The following FSBP variants were observed in gnomAD, a reference collection of about 807,000 sequenced individuals.
FSBP encodes the protein fibrinogen silencer binding protein, also known as fibrinogen silencer-binding protein.
A neutral mutation model predicts 24.6 loss-of-function variants in FSBP; 18 were observed. The observed-to-expected ratio is 0.73, with a 90% CI of 0.51 to 1.08. FSBP has a LOEUF of 1.08. Among genes scored for constraint, FSBP ranks in the 50% least tolerant of loss-of-function variants. The pLI is 0.00. For synonymous variants in FSBP, 110 were observed against 125.8 expected (o/e 0.87, Z 0.84); for missense variants, 305 against 347.6 (o/e 0.88, Z 0.98).
At chr8:94,432,692 C>A in intron 1 of FSBP, 36 bp from the exon 2 acceptor site, 1 of 1,413,334 alleles carries the variant, frequency 7.1e-7, no homozygotes, top group Non-Finnish European at 9.3e-7. Flanking sequence ...ATATGTAAAT[C>A]AAATGAAGAA....
Position 94,429,029 on chromosome 8 carries a change from T to A in FSBP, c.*3102A>T. On this transcript the variant is annotated 3_prime_UTR_variant, in exon 2 of 2. Transcript: ENST00000481490. ...AAGGGGAGGTAGACAATGAGGAGAA[T>A]TATATGCATTTAAACTTTTGCAAAT... The A allele has an allele frequency of 1.0e-6, 1 of 983,878 alleles. No homozygotes were observed. Among genetic ancestry groups the A allele is most frequent in the Non-Finnish European group, 1.2e-6 (1 of 828,550 alleles). 60.9% of individuals were successfully genotyped at this position (983,878 alleles called of 1,614,324 possible).
intron 1 of FSBP, 53 bp downstream of exon 1, chr8:94,436,442 C>G: frequency 6.8e-7 from 1 of 1,476,462 alleles, no homozygotes. Context: ...AAGCCAAAGC[C>G]CAATAGATAG....
Position 94,427,762 on chromosome 8 carries a change from T to C in FSBP, c.*4369A>G, listed in dbSNP as rs1811978839. On this transcript the variant is annotated 3_prime_UTR_variant, in exon 2 of 2. Transcript: ENST00000481490. ...TAAAAGAACATGTGTTAACAAAGCA[T>C]TTAACCATCATTATCTACAGTATAT... 27 of 969,512 alleles carry C rather than the reference T, an allele frequency of 2.8e-5. No homozygotes were observed. The highest frequency in any genetic ancestry group is 3.3e-5 in the Non-Finnish European group (27 of 815,544). The allele number at this position is 969,512 out of a possible 1,614,324, so 60.1% of individuals were successfully genotyped here. A position where few individuals can be genotyped will look rare whatever the true frequency, so the allele number is the denominator to read the frequency against.
rs1811983238 is a variant in FSBP, at chr8:94,427,865, A to G, written c.*4266T>C. The stretch of plus-strand genomic sequence containing the variant: ...TTGACATTACTCCAAAAGAAGGCAC[A>G]TGAAAAAAACTCATAGTTTAAACAT... On this transcript the variant is annotated 3_prime_UTR_variant, in exon 2 of 2. Transcript: ENST00000481490. 3.1e-6 allele frequency: 3 copies of G among 960,222 alleles called. No homozygotes were observed. The highest frequency in any genetic ancestry group is 3.7e-6 in the Non-Finnish European group (3 of 807,182). 59.5% of individuals were successfully genotyped at this position (960,222 alleles called of 1,614,324 possible).
intron 1 of FSBP, 114 bp from the exon 2 acceptor site, chr8:94,432,770 G>A: frequency 7.9e-7 from 1 of 1,266,244 alleles, no homozygotes; most frequent in Non-Finnish European, 1.0e-6. Context: ...AAACTATAAA[G>A]TTACAAAATA....
Position 94,427,981 on chromosome 8 carries a change from GAA to G in FSBP, c.*4148_*4149del. 2.2e-6 allele frequency: 2 copies of G among 922,208 alleles called. No homozygotes were observed. The highest frequency in any genetic ancestry group is 5.0e-5 in the South Asian group (1 of 19,906). The allele number at this position is 922,208 out of a possible 1,614,324, so 57.1% of individuals were successfully genotyped here. ...AGTTAATATCTCATCATACACAAAA[GAA>G]AAATACTTGACTATTTTAAGAAATC... On this transcript the variant is annotated 3_prime_UTR_variant, in exon 2 of 2. Transcript: ENST00000481490.
In FSBP at chr8:94,428,877, G is replaced by C. The variant is rs1425239826; in HGVS notation, c.*3254C>G. ...AAAAAAGAAGAAAAAAAAAGGTTTG[G>C]TTCCAAATTACCCTAAGATACTCTG... is the stretch of plus-strand genomic sequence containing the variant. On this transcript the variant is annotated 3_prime_UTR_variant, in exon 2 of 2. Coordinates refer to ENST00000481490, the MANE Select transcript of FSBP (RefSeq NM_001256141.2). The C allele has an allele frequency of 1.0e-6, 1 of 985,078 alleles. No individual in the cohort carries two copies. The highest frequency in any genetic ancestry group is 1.7e-5 in the African/African-American group (1 of 57,190). The allele number at this position is 985,078 out of a possible 1,614,324, so 61.0% of individuals were successfully genotyped here. A position where few individuals can be genotyped will look rare whatever the true frequency, so the allele number is the denominator to read the frequency against.
At position 94,427,847 on chromosome 8, in the gene FSBP, T is replaced by C; in HGVS notation, c.*4284A>G. On this transcript the variant is annotated 3_prime_UTR_variant, in exon 2 of 2. Transcript: ENST00000481490. Reference sequence around the variant, plus strand: ...AACATGTGTATTTAAAAGTTGACATTACTCCAAAAGAAGGCACATGAAAAA... The same window carrying C: ...AACATGTGTATTTAAAAGTTGACATCACTCCAAAAGAAGGCACATGAAAAA... 1 of 960,722 alleles carries C rather than the reference T, an allele frequency of 1.0e-6. No homozygotes were observed. Among genetic ancestry groups the C allele is most frequent in the Non-Finnish European group, 1.2e-6 (1 of 807,540 alleles). The allele number at this position is 960,722 out of a possible 1,614,324, so 59.5% of individuals were successfully genotyped here.
chr8:94,428,739 C>A lies in FSBP; in HGVS notation c.*3392G>T. On this transcript the variant is annotated 3_prime_UTR_variant, in exon 2 of 2. Coordinates refer to ENST00000481490, the MANE Select transcript of FSBP (RefSeq NM_001256141.2). ...GCAGATAGAAAGCCAAGTGTACATT[C>A]CATTGTACTAGCAAACTTTCCCCTA... The A allele has an allele frequency of 1.0e-6, 1 of 982,832 alleles. No homozygotes were observed. 60.9% of individuals were successfully genotyped at this position (982,832 alleles called of 1,614,324 possible).
Position 94,436,756 on chromosome 8 carries a change from A to G in FSBP, c.113T>C (p.Val38Ala), listed in dbSNP as rs1166006673. 1 of 1,550,578 alleles carries G rather than the reference A, an allele frequency of 6.4e-7. No individual in the cohort carries two copies. Among genetic ancestry groups the G allele is most frequent in the Non-Finnish European group, 8.7e-7 (1 of 1,146,942 alleles). Residue 38 changes from valine to alanine, a missense_variant, in exon 1 of 2, where the codon GTA (valine) becomes GCA (alanine). Val to Ala is a moderately conservative substitution (Grantham distance 64). Coordinates refer to ENST00000481490, the MANE Select transcript of FSBP (RefSeq NM_001256141.2). Reference protein sequence around the residue: ...ILEEHTNKHSVIVEKNRCWDI... With the variant: ...ILEEHTNKHSAIVEKNRCWDI... ...CCAACATCTATTCTTTTCTACTATT[A>G]CTGAATGTTTATTAGTGTGTTCTTC...
rs1486352323 is a variant in FSBP at position 94,432,432 on chromosome 8, T to A, written c.599A>T (p.Asp200Val). ...AGATGGAGACGATGTCATTCTCATA[T>A]CAACAGAGGAAAGTGAAGGCGACAA... is the stretch of plus-strand genomic sequence containing the variant. ...RSLSPSLSSV[D>V]MRMTSSPSSI... Residue 200 changes from aspartate to valine, a missense_variant, in exon 2 of 2, where the codon GAT becomes GTT. Asp to Val is a radical substitution (Grantham distance 152). Coordinates refer to ENST00000481490, the MANE Select transcript of FSBP (RefSeq NM_001256141.2). 4 of 1,550,460 alleles carry A rather than the reference T, an allele frequency of 2.6e-6. No homozygotes were observed. The highest frequency in any genetic ancestry group is 3.5e-6 in the Non-Finnish European group (4 of 1,146,880).
rs1253523045 is a variant in FSBP, at chr8:94,430,461, T to C, written c.*1670A>G. ...CACCAAGCGAGGTTCCAAAATACTC[T>C]GTTTCACTGGTTCTCAAACTTTAGC... On this transcript the variant is annotated 3_prime_UTR_variant, in exon 2 of 2. Transcript: ENST00000481490. 3.0e-6 allele frequency: 3 copies of C among 984,274 alleles called. No individual in the cohort carries two copies. Among genetic ancestry groups the C allele is most frequent in the Non-Finnish European group, 3.6e-6 (3 of 828,966 alleles). The allele number at this position is 984,274 out of a possible 1,614,324, so 61.0% of individuals were successfully genotyped here. A position where few individuals can be genotyped will look rare whatever the true frequency, so the allele number is the denominator to read the frequency against.
Position 94,427,758 on chromosome 8 carries a change from A to G in FSBP, c.*4373T>C. On this transcript the variant is annotated 3_prime_UTR_variant, in exon 2 of 2. Transcript: ENST00000481490. ...TATTTAAAAGAACATGTGTTAACAA[A>G]GCATTTAACCATCATTATCTACAGT... 1 of 972,748 alleles carries G rather than the reference A, an allele frequency of 1.0e-6. No individual in the cohort carries two copies. Among genetic ancestry groups the G allele is most frequent in the Non-Finnish European group, 1.2e-6 (1 of 818,454 alleles). The allele number at this position is 972,748 out of a possible 1,614,324, so 60.3% of individuals were successfully genotyped here.
At chr8:94,432,719 G>A in intron 1 of FSBP, 63 bp from the exon 2 acceptor site, 1 of 1,381,102 alleles carries the variant, frequency 7.2e-7, no homozygotes, top group South Asian at 2.0e-5. Flanking sequence ...TATATTTATA[G>A]CATAATTTTA....
rs941163550 is a variant in FSBP at position 94,436,609 on chromosome 8, T to G, written c.260A>C (p.Lys87Thr). The G allele has an allele frequency of 1.3e-6, 2 of 1,550,428 alleles. No homozygotes were observed. The highest frequency in any genetic ancestry group is 8.7e-7 in the Non-Finnish European group (1 of 1,146,950). Residue 87 changes from lysine (K) to threonine (T), a missense_variant, in exon 1 of 2, where the codon AAA (lysine) becomes ACA (threonine). By Grantham distance (78) the Lys-to-Thr change is moderately conservative. Transcript: ENST00000481490. ...EYAKQELLQQ[K>T]ETQSDFKSNI... is the part of the protein sequence containing the mutation. ...GCTTTTAAAATCTGATTGGGTCTCT[T>G]TTTGCTGCAATAGCTCCTGTTTGGC...
chr8:94,436,501 A>T lies in FSBP; in HGVS notation c.368T>A (p.Ile123Lys), dbSNP rs985316036. 4 of 1,544,692 alleles carry T rather than the reference A, an allele frequency of 2.6e-6. No homozygotes were observed. Among genetic ancestry groups the T allele is most frequent in the Non-Finnish European group, 3.5e-6 (4 of 1,145,104 alleles). The stretch of plus-strand genomic sequence containing the variant: ...AAAACAAAATAAAGCTTACCTTTGT[A>T]TGTGGTTCCTGTCTCTTACCAGGCA... ...SFCLVRDRNH[I>K]QSANLDEEAQ... The change falls in exon 1 of 2, where the codon ATA becomes AAA. Residue 123 changes from isoleucine (I) to lysine (K), a missense_variant. By Grantham distance (102) the Ile-to-Lys change is moderately radical. Coordinates refer to ENST00000481490, the MANE Select transcript of FSBP (RefSeq NM_001256141.2).
chr8:94,434,540 C>T (rs1274152324), intron 1 of FSBP, among the ~76,000 whole-genome samples: 1 of 151,562 alleles, frequency 6.6e-6, no homozygotes, highest in East Asian at 1.9e-4. Context: ...AGTATGTTAA[C>T]GCAAACACTA....
rs1227746676 is a variant in FSBP at position 94,428,026 on chromosome 8, G to A, written c.*4105C>T. On this transcript the variant is annotated 3_prime_UTR_variant, in exon 2 of 2. Transcript: ENST00000481490. ...AAGAAATCTGGTATTCGTTAGAAAT[G>A]AGTTTCACTGACTTTTCTCAGGATG... 8 of 939,786 alleles carry A rather than the reference G, an allele frequency of 8.5e-6. No homozygotes were observed. In the African/African-American group the frequency reaches 1.2e-4, roughly 15 times the overall value. The allele number at this position is 939,786 out of a possible 1,614,324, so 58.2% of individuals were successfully genotyped here.
Position 94,436,585 on chromosome 8 carries a change from C to T in FSBP, c.284G>A (p.Ser95Asn), listed in dbSNP as rs758007961. The T allele has an allele frequency of 1.3e-5, 20 of 1,550,458 alleles. No homozygotes were observed. Among genetic ancestry groups the T allele is most frequent in the Middle Eastern group, 3.3e-4 (2 of 5,992 alleles). Residue 95 changes from serine (S) to asparagine (N), a missense_variant, in exon 1 of 2, where the codon AGC becomes AAC. Physicochemically the swap from Ser to Asn is conservative, Grantham distance 46. Transcript: ENST00000481490. The stretch of plus-strand genomic sequence containing the variant: ...TTTCTTGGTTGGCTCAGAAATATTG[C>T]TTTTAAAATCTGATTGGGTCTCTTT... Reference protein sequence around the residue: ...QQKETQSDFKSNISEPTKKVM... With the variant: ...QQKETQSDFKNNISEPTKKVM...
Sources: allele counts gnomAD v4.1 joint callset (sites outside exome capture counted in the v4.1 genomes callset), GRCh38; gene constraint gnomAD v4.1.1; transcripts MANE v1.5; gene names NCBI Gene and HGNC (gene_info 2026-07-23, HGNC 2026-07-21).